The following RELCH variants were observed in gnomAD, a reference collection of about 807,000 sequenced individuals.
RELCH encodes the protein RAB11 binding and LisH domain, coiled-coil and HEAT repeat containing, also known as RAB11-binding protein RELCH.
RELCH carries 41 observed loss-of-function variants against 150.3 expected under a neutral mutation model. The observed-to-expected ratio is 0.27, with a 90% CI of 0.21 to 0.35. RELCH has a LOEUF of 0.35. Among genes scored for constraint, RELCH ranks in the 10% least tolerant of loss-of-function variants. The pLI is 1.00. For synonymous variants in RELCH, 478 were observed against 531.8 expected (o/e 0.90, Z 1.39); for missense variants, 1,092 against 1,467.8 (o/e 0.74, Z 4.18).
chr18:62,296,447 G>T (rs2045412681), intron 27 of RELCH, among the ~76,000 whole-genome samples: 1 of 152,164 alleles, frequency 6.6e-6, no homozygotes, highest in South Asian at 2.1e-4. Context: ...TTAGCCAGGT[G>T]TGGTGGTGCA....
intron 1 of RELCH, among the ~76,000 whole-genome samples, chr18:62,203,845 G>A (rs1217180861): frequency 5.3e-5 from 8 of 152,052 alleles, no homozygotes; most frequent in Admixed American, 5.2e-4. Context: ...GTCAGCAATG[G>A]TGGCACATCT....
chr18:62,221,568 T>C (rs992525882), intron 5 of RELCH, 71 bp downstream of exon 5: 1 of 640,870 alleles, frequency 1.6e-6, no homozygotes, highest in African/African-American at 2.0e-5. Context: ...TTACGTAGTT[T>C]CTTTTTTTTT....
intron 10 of RELCH, among the ~76,000 whole-genome samples, chr18:62,241,387 C>A: frequency 6.6e-6 from 1 of 152,008 alleles, no homozygotes; most frequent in Non-Finnish European, 1.5e-5. Flanking sequence ...TGCCTTCAAG[C>A]CTGGGCAATA....
intron 13 of RELCH, among the ~76,000 whole-genome samples, chr18:62,256,438 G>A (rs1179700421): frequency 6.6e-6 from 1 of 151,924 alleles, no homozygotes; most frequent in Non-Finnish European, 1.5e-5. Context: ...CCTTATTGTT[G>A]TGATAAATCA....
intron 22 of RELCH, among the ~76,000 whole-genome samples, chr18:62,279,313 A>G (rs932628022): frequency 6.6e-6 from 1 of 152,202 alleles, no homozygotes; most frequent in Non-Finnish European, 1.5e-5. Context: ...GCTATAGCAC[A>G]ATAATAAGTG....
At chr18:62,217,617 C>T (rs1001228558) in intron 2 of RELCH, among the ~76,000 whole-genome samples, 2 of 151,946 alleles carry the variant, frequency 1.3e-5, no homozygotes, top group African/African-American at 4.8e-5. Context: ...ATTTATGAGA[C>T]ATTCAAGTGG....
At position 62,221,054 on chromosome 18, in the gene RELCH, C is replaced by T. The variant is rs768819144; in HGVS notation, c.634C>T (p.Arg212Trp). The change falls in exon 3 of 29, where the codon CGG becomes TGG. Residue 212 changes from arginine (R) to tryptophan (W), a missense_variant. Arg to Trp is a moderately radical substitution (Grantham distance 101). Coordinates refer to ENST00000644646, the MANE Select transcript of RELCH (RefSeq NM_001346231.2). ...CTGTCCAGTCCTGGAGTTTGAACTA[C>T]GGAAAGCCAAGGAGACCATTCAGGC... Reference protein sequence around the residue: ...EKVAVLEFELRKAKETIQALR... With the variant: ...EKVAVLEFELWKAKETIQALR... The T allele has an allele frequency of 4.3e-6, 7 of 1,613,016 alleles. No homozygotes were observed. The highest frequency in any genetic ancestry group is 5.9e-6 in the Non-Finnish European group (7 of 1,179,442).
chr18:62,189,475 C>G (rs912831958), intron 1 of RELCH, among the ~76,000 whole-genome samples: 1 of 151,962 alleles, frequency 6.6e-6, no homozygotes, highest in African/African-American at 2.4e-5. Flanking sequence ...TTGACAATAC[C>G]ATTTTTCTCC....
At chr18:62,304,092 G>A (rs1173153272) in intron 28 of RELCH, among the ~76,000 whole-genome samples, 1 of 152,186 alleles carries the variant, frequency 6.6e-6, no homozygotes. Flanking sequence ...AGAGGGGGGA[G>A]TTAAAATGGA....
chr18:62,286,339 T>C (rs2145003612), intron 25 of RELCH, among the ~76,000 whole-genome samples: 1 of 152,246 alleles, frequency 6.6e-6, no homozygotes, highest in East Asian at 1.9e-4. Flanking sequence ...ATAAATATAC[T>C]GTTATTAATT....
At position 62,244,858 on chromosome 18, in the gene RELCH, G is replaced by C; in HGVS notation, c.1715G>C (p.Arg572Thr). 6.2e-7 allele frequency: 1 copy of C among 1,611,250 alleles called. No individual in the cohort carries two copies. Among genetic ancestry groups the C allele is most frequent in the Non-Finnish European group, 8.5e-7 (1 of 1,177,564 alleles). Residue 572 changes from arginine to threonine, a missense_variant, in exon 11 of 29, where the codon AGG becomes ACG. By Grantham distance (71) the Arg-to-Thr change is moderately conservative. Transcript: ENST00000644646. ...LLHILFNLIK[R>T]PDDEQRQMIL... Reference sequence around the variant, plus strand: ...CACATACTTTTCAATTTGATCAAGAGGCCAGATGATGAGCAAAGGTGGGTA... The same window carrying C: ...CACATACTTTTCAATTTGATCAAGACGCCAGATGATGAGCAAAGGTGGGTA...
intron 9 of RELCH, 151 bp from the exon 10 acceptor site, chr18:62,232,180 GT>G: frequency 1.7e-5 from 8 of 483,226 alleles, no homozygotes; most frequent in East Asian, 3.5e-5. Context: ...TGCTGCTGCT[GT>G]TGTTGTTGTT....
rs143299688 is a variant in RELCH at position 62,247,597 on chromosome 18, G to A, written c.1733+2721G>A. 2.0e-3 allele frequency among the ~76,000 whole-genome samples: 307 copies of A among 151,020 alleles called. 3 individuals are homozygous for A. Among genetic ancestry groups the A allele is most frequent in the African/African-American group, 7.3e-3 (298 of 41,090 alleles). On this transcript the variant is annotated intron_variant, in intron 11 of 28. Transcript: ENST00000644646. ...CTCACTCTGTCTCCCAGGCTGGAGT[G>A]CAGAGGCACAATCATGGCTCACTGC...
chr18:62,307,436 A>C lies in RELCH; in HGVS notation c.*1902A>C, dbSNP rs1042193224. The C allele has an allele frequency of 6.6e-6, 1 of 152,104 alleles. No individual in the cohort carries two copies. Among genetic ancestry groups the C allele is most frequent in the African/African-American group, 2.4e-5 (1 of 41,448 alleles). The allele number at this position is 152,104 out of a possible 1,614,324, so 9.4% of individuals were successfully genotyped here. A position where few individuals can be genotyped will look rare whatever the true frequency, so the allele number is the denominator to read the frequency against. On this transcript the variant is annotated 3_prime_UTR_variant, in exon 29 of 29. Coordinates refer to ENST00000644646, the MANE Select transcript of RELCH (RefSeq NM_001346231.2). ...TGTGAACATTTTTCTTAATTAATGA[A>C]TATATTTATTTAAGTGCTAATGTTT...
rs1466258448 is a variant in RELCH, at chr18:62,211,147, T to C, written c.527-6T>C. 2 of 1,516,594 alleles carry C rather than the reference T, an allele frequency of 1.3e-6. No individual in the cohort carries two copies. Among genetic ancestry groups the C allele is most frequent in the Non-Finnish European group, 1.8e-6 (2 of 1,100,686 alleles). 93.9% of individuals were successfully genotyped at this position (1,516,594 alleles called of 1,614,324 possible). A position where few individuals can be genotyped will look rare whatever the true frequency, so the allele number is the denominator to read the frequency against. ...TAAAAAACTTTTATATTTCTCTTTA[T>C]TATAGATCGAGCTGGGAGCATTAGT... On this transcript the variant is annotated splice_polypyrimidine_tract_variant and splice_region_variant and intron_variant, in intron 1 of 28. Transcript: ENST00000644646.
chr18:62,264,821 G>A lies in RELCH; in HGVS notation c.2600G>A (p.Arg867Gln), dbSNP rs369501125. 191 of 1,607,514 alleles carry A rather than the reference G, an allele frequency of 1.2e-4. 1 individual carries two copies. Among genetic ancestry groups the A allele is most frequent in the Middle Eastern group, 1.7e-4 (1 of 6,022 alleles). ...TCCAGATTTTTCTGGCGCCTTTGCC[G>A]GACATTTGGCAAAATTTTTACAAAC... ...EFSRFFWRLCRTFGKIFTNTK... is the reference protein window; with the variant it reads ...EFSRFFWRLCQTFGKIFTNTK... The change falls in exon 18 of 29, where the codon CGG becomes CAG. Residue 867 changes from arginine to glutamine, a missense_variant. Coordinates refer to ENST00000644646, the MANE Select transcript of RELCH (RefSeq NM_001346231.2).
Position 62,268,866 on chromosome 18 carries a change from T to C in RELCH, c.2681-3T>C, listed in dbSNP as rs776156689. On this transcript the variant is annotated splice_region_variant and splice_polypyrimidine_tract_variant and intron_variant, in intron 19 of 28. Coordinates refer to ENST00000644646, the MANE Select transcript of RELCH (RefSeq NM_001346231.2). ...TTTTTTTAAATTATTTTAATAATTTTAGATTCCTCAGCAGGAAATGGGGTC... is the reference window on the plus strand; with the variant it reads ...TTTTTTTAAATTATTTTAATAATTTCAGATTCCTCAGCAGGAAATGGGGTC... The C allele has an allele frequency of 2.8e-6, 4 of 1,444,592 alleles. No individual in the cohort carries two copies. Among genetic ancestry groups the C allele is most frequent in the Non-Finnish European group, 3.7e-6 (4 of 1,067,290 alleles). 89.5% of individuals were successfully genotyped at this position (1,444,592 alleles called of 1,614,324 possible).
In RELCH at chr18:62,244,797, C is replaced by T; in HGVS notation, c.1654C>T (p.Leu552=). ...CCCCCTCATATTGTGTACAGCATGT[C>T]TACATCCTGAGCCTAAAGAGCGAGA... ...LIPLILCTAC[L]HPEPKERDQL... Residue 552 remains leucine (L), a synonymous_variant, in exon 11 of 29, where the codon CTA becomes TTA. Coordinates refer to ENST00000644646, the MANE Select transcript of RELCH (RefSeq NM_001346231.2). 32 of 1,613,202 alleles carry T rather than the reference C, an allele frequency of 2.0e-5. No individual in the cohort carries two copies. The highest frequency in any genetic ancestry group is 2.7e-5 in the Non-Finnish European group (32 of 1,179,312).
intron 1 of RELCH, among the ~76,000 whole-genome samples, chr18:62,190,966 T>C (rs2038589426): frequency 6.6e-6 from 1 of 152,222 alleles, no homozygotes; most frequent in Non-Finnish European, 1.5e-5. Context: ...TCGATATAAA[T>C]AGAATCATAG....
Sources: allele counts gnomAD v4.1 joint callset (sites outside exome capture counted in the v4.1 genomes callset), GRCh38; gene constraint gnomAD v4.1.1; transcripts MANE v1.5; gene names NCBI Gene and HGNC (gene_info 2026-07-23, HGNC 2026-07-21).